GYG1: variants seen among roughly 807,000 people sequenced by gnomAD.
GYG1 encodes glycogenin-1.
A neutral mutation model predicts 41.9 loss-of-function variants in GYG1; 44 were observed. The ratio of observed to expected loss-of-function variants is 1.05; its 90% CI spans 0.83 to 1.35. The LOEUF (loss-of-function observed/expected upper bound fraction) is 1.35, where lower values mean the gene tolerates loss of function less well. Ranked by LOEUF, GYG1 falls within the 40% of genes most tolerant of loss-of-function variation. GYG1 has a pLI of 0.00. For missense variants in GYG1, 429 were observed against 418.9 expected, an observed-to-expected ratio of 1.02 and a Z score of -0.21; for synonymous variants, 141 against 158.1, an observed-to-expected ratio of 0.89 and a Z score of 0.81.
chr3:148,998,327 C>G (rs1181227069), intron 4 of GYG1, among the ~76,000 whole-genome samples: 1 of 152,142 alleles, frequency 6.6e-6, no homozygotes, highest in African/African-American at 2.4e-5. Flanking sequence ...GATTATGTCC[C>G]CCAAAGGACA....
At chr3:149,020,317 A>G (rs542400346) in intron 5 of GYG1, among the ~76,000 whole-genome samples, 4 of 152,342 alleles carry the variant, frequency 2.6e-5, no homozygotes, top group Admixed American at 2.0e-4. Context: ...TTAATTGTCC[A>G]TAGGCAGGAG....
rs1714517363 is a variant in GYG1 at position 149,024,102 on chromosome 3, T to C, written c.658T>C (p.Trp220Arg). 2 of 1,614,062 alleles carry C rather than the reference T, an allele frequency of 1.2e-6. No individual in the cohort carries two copies. The highest frequency in any genetic ancestry group is 1.1e-5 in the South Asian group (1 of 91,090). Reference protein sequence around the residue: ...VVHFLGRVKPWNYTYDPKTKS... With the variant: ...VVHFLGRVKPRNYTYDPKTKS... Reference sequence around the variant, plus strand: ...GCATTTCCTGGGACGAGTCAAACCATGGAATTATACTTATGATCCCAAAAC... The same window carrying C: ...GCATTTCCTGGGACGAGTCAAACCACGGAATTATACTTATGATCCCAAAAC... The change falls in exon 6 of 8, where the codon TGG becomes CGG. Residue 220 changes from tryptophan to arginine, a missense_variant. Trp to Arg is a moderately radical substitution (Grantham distance 101, BLOSUM62 -3). Coordinates refer to ENST00000345003, the MANE Select transcript of GYG1 (RefSeq NM_004130.4).
chr3:148,994,314 T>G (rs372647665), intron 2 of GYG1, 37 bp downstream of exon 2: 54 of 1,607,460 alleles, frequency 3.4e-5, no homozygotes, highest in Non-Finnish European at 4.4e-5. Context: ...TCCAAGGGGC[T>G]CTGACATCCT....
chr3:149,016,277 C>CA (rs1306187346), intron 5 of GYG1, among the ~76,000 whole-genome samples: 6 of 99,744 alleles, frequency 6.0e-5, no homozygotes, highest in African/African-American at 2.3e-4. Context: ...AAAAAAAAAA[C>CA]AAAAAAGAAA....
At chr3:148,996,568 C>A (rs768803913) in intron 3 of GYG1, 92 bp downstream of exon 3, 5 of 1,282,564 alleles carry the variant, frequency 3.9e-6, no homozygotes, top group Admixed American at 1.7e-5. Context: ...CAAGACTTGA[C>A]GGTAAAGTTC....
chr3:149,024,183 A>G lies in GYG1; in HGVS notation c.739A>G (p.Ile247Val). 6.2e-7 allele frequency: 1 copy of G among 1,613,832 alleles called. No individual in the cohort carries two copies. The highest frequency in any genetic ancestry group is 8.5e-7 in the Non-Finnish European group (1 of 1,179,714). Residue 247 changes from isoleucine (I) to valine (V), a missense_variant, in exon 6 of 8, where the codon ATC becomes GTC. Physicochemically the swap from Ile to Val is conservative, Grantham distance 29. Transcript: ENST00000345003. Reference protein sequence around the residue: ...DPNMTHPEFLILWWNIFTTNV... With the variant: ...DPNMTHPEFLVLWWNIFTTNV... ...CAACATGACTCATCCAGAGTTTCTC[A>G]TCCTGTGGTGGAACATCTTTACCAC... is the stretch of plus-strand genomic sequence containing the variant.
At chr3:149,017,399 CT>C (rs67169823) in intron 5 of GYG1, among the ~76,000 whole-genome samples, 12,078 of 144,400 alleles carry the variant, frequency 0.084, 628 homozygotes, top group African/African-American at 0.15. Context: ...TGTACTCAAC[CT>C]TTTTTTTTTT....
At chr3:149,015,988 C>A (rs564290476) in intron 5 of GYG1, among the ~76,000 whole-genome samples, 1 of 151,976 alleles carries the variant, frequency 6.6e-6, no homozygotes, top group Admixed American at 6.6e-5. Context: ...ACAGGCCGGG[C>A]GCAGTGGCTC....
In GYG1 at chr3:149,024,091, G is replaced by A. The variant is rs1035133767; in HGVS notation, c.647G>A (p.Arg216Gln). 5 of 1,614,134 alleles carry A rather than the reference G, an allele frequency of 3.1e-6. No individual in the cohort carries two copies. Among genetic ancestry groups the A allele is most frequent in the African/African-American group, 2.7e-5 (2 of 75,022 alleles). ...ASAKVVHFLG[R>Q]VKPWNYTYDP... ...GCCAAAGTTGTGCATTTCCTGGGAC[G>A]AGTCAAACCATGGAATTATACTTAT... is the stretch of plus-strand genomic sequence containing the variant. The change falls in exon 6 of 8, where the codon CGA becomes CAA. Residue 216 changes from arginine (R) to glutamine (Q), a missense_variant. Physicochemically the swap from Arg to Gln is conservative, Grantham distance 43. Coordinates refer to ENST00000345003, the MANE Select transcript of GYG1 (RefSeq NM_004130.4).
At chr3:149,026,719 A>G in intron 7 of GYG1, 41 bp from the exon 8 acceptor site, 1 of 1,411,808 alleles carries the variant, frequency 7.1e-7, no homozygotes, top group East Asian at 2.3e-5. Flanking sequence ...AAACAGTTTG[A>G]TTTTCAGCTC....
intron 4 of GYG1, among the ~76,000 whole-genome samples, chr3:149,008,633 T>C (rs1026054038): frequency 6.6e-6 from 1 of 152,228 alleles, no homozygotes; most frequent in Admixed American, 6.5e-5. Flanking sequence ...TTCACTGCAT[T>C]CATCTCCATC....
At chr3:149,000,684 A>G (rs1713044566) in intron 4 of GYG1, among the ~76,000 whole-genome samples, 1 of 152,248 alleles carries the variant, frequency 6.6e-6, no homozygotes, top group Non-Finnish European at 1.5e-5. Context: ...AACCTAAGTC[A>G]GAGGAATTCA....
chr3:148,997,626 G>A (rs971206506), intron 4 of GYG1, among the ~76,000 whole-genome samples: 6 of 152,190 alleles, frequency 3.9e-5, no homozygotes, highest in African/African-American at 1.4e-4. Context: ...AACAAGCCAT[G>A]TTTTTAAAAA....
At chr3:148,998,844 G>A (rs932371556) in intron 4 of GYG1, among the ~76,000 whole-genome samples, 1 of 152,134 alleles carries the variant, frequency 6.6e-6, no homozygotes, top group Admixed American at 6.5e-5. Flanking sequence ...TAACCTTCTC[G>A]TCAGAGTGTA....
chr3:149,026,958 C>T lies in GYG1; in HGVS notation c.*25C>T, dbSNP rs758509409. On this transcript the variant is annotated 3_prime_UTR_variant, in exon 8 of 8. Coordinates refer to ENST00000345003, the MANE Select transcript of GYG1 (RefSeq NM_004130.4). Reference sequence around the variant, plus strand: ...GAAACACTGCATTTTTCTGTGAACACATCCACTTCACAAGCCTTGTTTCTG... The same window carrying T: ...GAAACACTGCATTTTTCTGTGAACATATCCACTTCACAAGCCTTGTTTCTG... 9 of 1,609,474 alleles carry T rather than the reference C, an allele frequency of 5.6e-6. No homozygotes were observed. The South Asian group carries it at 7.7e-5, about 14-fold the overall frequency.
chr3:149,013,517 A>G (rs533873511), intron 5 of GYG1, among the ~76,000 whole-genome samples: 116 of 152,356 alleles, frequency 7.6e-4, no homozygotes, highest in African/African-American at 2.7e-3. Flanking sequence ...TTCACCCAAT[A>G]CTTTCCATAT....
intron 5 of GYG1, among the ~76,000 whole-genome samples, chr3:149,015,484 A>C (rs1190786543): frequency 6.6e-6 from 1 of 152,156 alleles, no homozygotes; most frequent in Non-Finnish European, 1.5e-5. Flanking sequence ...GAACTCAGGG[A>C]AGTGTGGTAT....
In GYG1 at chr3:149,028,399, A is replaced by G. The variant is rs1423419294; in HGVS notation, c.*1466A>G. Among the ~76,000 whole-genome samples the G allele has an allele frequency of 6.6e-6, 1 of 152,210 alleles. No individual in the cohort carries two copies. The highest frequency in any genetic ancestry group is 6.5e-5 in the Admixed American group (1 of 15,284). ...AACTAGCTATTTGGACTGGTGAAGA[A>G]TGAGTCGCTATTGATCTTCAAGTAC... is the stretch of plus-strand genomic sequence containing the variant. On this transcript the variant is annotated 3_prime_UTR_variant, in exon 8 of 8. Transcript: ENST00000345003.
intron 4 of GYG1, among the ~76,000 whole-genome samples, chr3:149,004,855 G>A (rs1713302979): frequency 6.6e-6 from 1 of 152,218 alleles, no homozygotes; most frequent in South Asian, 2.1e-4. Flanking sequence ...GTGGCACACA[G>A]CTGATGGGCT....
Sources: allele counts gnomAD v4.1 joint callset (sites outside exome capture counted in the v4.1 genomes callset), GRCh38; gene constraint gnomAD v4.1.1; transcripts MANE v1.5; gene names NCBI Gene and HGNC (gene_info 2026-07-23, HGNC 2026-07-21).